The following SYNPO variants were observed in gnomAD, a reference collection of about 807,000 sequenced individuals.
The protein encoded by SYNPO is synaptopodin.
A neutral mutation model predicts 49.5 loss-of-function variants in SYNPO; 19 were observed. That is an observed-to-expected ratio of 0.38 (90% confidence interval 0.27 to 0.56). The LOEUF (loss-of-function observed/expected upper bound fraction) is 0.56, where lower values mean the gene tolerates loss of function less well. Ranked by LOEUF, SYNPO falls within the 20% of genes least tolerant of loss-of-function variation. SYNPO has a pLI of 0.68. For missense variants in SYNPO, 1,131 were observed against 1,248.3 expected (o/e 0.91, Z 1.42); for synonymous variants, 536 against 548.0 (o/e 0.98, Z 0.31).
intron 1 of SYNPO, among the ~76,000 whole-genome samples, chr5:150,612,927 T>A (rs1408519143): frequency 2.6e-5 from 4 of 152,138 alleles, no homozygotes; most frequent in Non-Finnish European, 5.9e-5. Flanking sequence ...TACAGGTGTG[T>A]GCCACAATGC....
chr5:150,588,405 G>A, the SYNPO span, among the ~76,000 whole-genome samples: 1 of 152,330 alleles, frequency 6.6e-6, no homozygotes, highest in East Asian at 1.9e-4. Context: ...TCTGAAGCTG[G>A]GGGTGTGTCT....
rs1226770602 is a variant in SYNPO at position 150,657,061 on chromosome 5, C to CGGCTCAAGCGTGG, written c.2686_2687insGGCTCAAGCGTGG (p.Pro896ArgfsTer66). ...CCTTCGGCTCAAGCGTGGCAGCCTCCCCGCCGAGGCCTCCTGCACCACCTA... is the reference window on the plus strand; with the variant it reads ...CCTTCGGCTCAAGCGTGGCAGCCTCCGGCTCAAGCGTGGCCGCCGAGGCCTCCTGCACCACCTA... On this transcript the variant is annotated frameshift_variant, in exon 3 of 3. Transcript: ENST00000307662. LOFTEE classifies it high-confidence loss of function. The CGGCTCAAGCGTGG allele has an allele frequency of 6.3e-7, 1 of 1,596,846 alleles. No individual in the cohort carries two copies. The highest frequency in any genetic ancestry group is 8.5e-7 in the Non-Finnish European group (1 of 1,172,990).
chr5:150,649,591 G>C lies in SYNPO; in HGVS notation c.1316G>C (p.Arg439Thr), dbSNP rs1304555641. 2 of 1,610,170 alleles carry C rather than the reference G, an allele frequency of 1.2e-6. No individual in the cohort carries two copies. The highest frequency in any genetic ancestry group is 1.7e-5 in the Admixed American group (1 of 59,890). ...NFQQEPAPRD[R>T]ASPAAAEEVV... is the part of the protein sequence containing the mutation. ...CAGCAGGAGCCAGCACCTCGTGACAGGGCCAGCCCCGCGGCGGCGGAGGAG... is the reference window on the plus strand; with the variant it reads ...CAGCAGGAGCCAGCACCTCGTGACACGGCCAGCCCCGCGGCGGCGGAGGAG... The change falls in exon 2 of 3, where the codon AGG becomes ACG. Residue 439 changes from arginine (R) to threonine (T), a missense_variant. Around this residue, in one of 4 missense-constraint regions of SYNPO, gnomAD observed 602 missense variants for 720.7 expected, o/e 0.84. Transcript: ENST00000307662.
upstream of SYNPO, among the ~76,000 whole-genome samples, chr5:150,596,794 G>A (rs951001988): frequency 5.3e-5 from 8 of 152,146 alleles, no homozygotes; most frequent in African/African-American, 9.7e-5. Flanking sequence ...TCTCCTGCAC[G>A]GGCTCAGATC....
chr5:150,655,758 T>C (rs1758528544), intron 2 of SYNPO, among the ~76,000 whole-genome samples: 1 of 152,204 alleles, frequency 6.6e-6, no homozygotes, highest in Non-Finnish European at 1.5e-5. Context: ...GTTCAAGCGA[T>C]CCTCCTGCCT....
upstream of SYNPO, among the ~76,000 whole-genome samples, chr5:150,638,927 C>T (rs1415418661): frequency 1.3e-5 from 2 of 152,184 alleles, no homozygotes; most frequent in East Asian, 1.9e-4. Context: ...ACAGGCTTAG[C>T]TCACCAGGGT....
At chr5:150,618,712 G>A in exon 2 of SYNPO, 1 of 1,551,274 alleles carries the variant, frequency 6.4e-7, no homozygotes, top group South Asian at 1.2e-5. Flanking sequence ...AGGCCGGGCA[G>A]ATGATGACAG....
intron 2 of SYNPO, chr5:150,652,035 G>A (rs1281655189): frequency 1.7e-5 from 17 of 1,000,496 alleles, no homozygotes; most frequent in Non-Finnish European, 1.8e-5. Flanking sequence ...GCCCATGCTG[G>A]GCTGAGCCTG....
chr5:150,594,664 C>T, the SYNPO span, among the ~76,000 whole-genome samples: 1 of 152,222 alleles, frequency 6.6e-6, no homozygotes, highest in Admixed American at 6.5e-5. Context: ...CAAGTTCTCT[C>T]ATCATCATCA....
chr5:150,623,073 T>C (rs1326044589), intron 2 of SYNPO, among the ~76,000 whole-genome samples: 1 of 152,200 alleles, frequency 6.6e-6, no homozygotes, highest in Non-Finnish European at 1.5e-5. Context: ...AGCTGCCACA[T>C]GTGAACACGT....
rs140362114 is a variant in SYNPO, at chr5:150,649,843, C to T, written c.1568C>T (p.Thr523Ile). The change falls in exon 2 of 3, where the codon ACT becomes ATT. Residue 523 changes from threonine to isoleucine, a missense_variant. By Grantham distance (89) the Thr-to-Ile change is moderately conservative (BLOSUM62 -1). Coordinates refer to ENST00000307662, the MANE Select transcript of SYNPO (RefSeq NM_007286.6). ...CTGCCTTCCTCCTGGAAATACCCCA[C>T]TAACGCCCCCGGGGCCTTCCGAGTG... The part of the protein sequence containing the change: ...MSLPSSWKYP[T>I]NAPGAFRVAS... 38 of 1,608,934 alleles carry T rather than the reference C, an allele frequency of 2.4e-5. No homozygotes were observed. The highest frequency in any genetic ancestry group is 2.1e-4 in the South Asian group (19 of 91,086).
chr5:150,603,038 GT>G (rs1756592146), intron 1 of SYNPO, among the ~76,000 whole-genome samples: 1 of 151,518 alleles, frequency 6.6e-6, no homozygotes, highest in African/African-American at 2.4e-5. Context: ...GTGTGTGTGT[GT>G]GTGGTGTATG....
chr5:150,611,713 G>T (rs1405515738), intron 1 of SYNPO, among the ~76,000 whole-genome samples: 3 of 152,234 alleles, frequency 2.0e-5, no homozygotes, highest in Admixed American at 2.0e-4. Context: ...AGGATGCCAA[G>T]ATTGGTCAGT....
intron 1 of SYNPO, among the ~76,000 whole-genome samples, chr5:150,611,211 C>G (rs1003133361): frequency 2.0e-5 from 3 of 152,160 alleles, no homozygotes; most frequent in Admixed American, 2.0e-4. Context: ...TTTATCTGTC[C>G]ACCCCAGCTA....
At chr5:150,594,796 A>T in the SYNPO span, among the ~76,000 whole-genome samples, 2 of 152,108 alleles carry the variant, frequency 1.3e-5, no homozygotes, top group Non-Finnish European at 2.9e-5. Context: ...TGAGGCTCAG[A>T]GATGGGGAAA....
Position 150,647,305 on chromosome 5 carries a change from G to A in SYNPO, c.-332-639G>A, listed in dbSNP as rs542286828. Reference sequence around the variant, plus strand: ...CCCTTGGAGCTATGCTGTAGGTGAGGAGACAGATAATAGACAGGGAAACAT... The same window carrying A: ...CCCTTGGAGCTATGCTGTAGGTGAGAAGACAGATAATAGACAGGGAAACAT... On this transcript the variant is annotated intron_variant, in intron 1 of 2. Transcript: ENST00000307662. Among the ~76,000 whole-genome samples, 237 of 152,010 alleles carry A rather than the reference G, an allele frequency of 1.6e-3. 11 individuals carry two copies. The South Asian group carries it at 0.047, about 30-fold the overall frequency.
At chr5:150,647,244 CAA>C (rs34332479) in intron 1 of SYNPO, among the ~76,000 whole-genome samples, 1,297 of 85,652 alleles carry the variant, frequency 0.015, 17 homozygotes, top group African/African-American at 0.041. Flanking sequence ...AACTCCTTCT[CAA>C]AAAAAAAAAA....
intron 2 of SYNPO, chr5:150,650,608 C>A (rs1471355325): frequency 1.4e-6 from 2 of 1,448,776 alleles, no homozygotes; most frequent in African/African-American, 1.4e-5. Flanking sequence ...AGCCCTGATG[C>A]GGTAGAGGGG....
upstream of SYNPO, among the ~76,000 whole-genome samples, chr5:150,600,495 G>A (rs1756502205): frequency 6.6e-6 from 1 of 152,236 alleles, no homozygotes; most frequent in Non-Finnish European, 1.5e-5. Flanking sequence ...TGTGACCTGA[G>A]GCAAGTCCCT....
Sources: allele counts gnomAD v4.1 joint callset (sites outside exome capture counted in the v4.1 genomes callset), GRCh38; gene constraint gnomAD v4.1.1; regional missense constraint gnomAD v4.1.1; transcripts MANE v1.5; gene names NCBI Gene and HGNC (gene_info 2026-07-23, HGNC 2026-07-21).